Variants in PLCB1 observed in about 807,000 individuals in gnomAD.
The protein encoded by PLCB1 is phospholipase C beta 1, also known as 1-phosphatidylinositol 4,5-bisphosphate phosphodiesterase beta-1.
A neutral mutation model predicts 161.8 loss-of-function variants in PLCB1; 46 were observed. The observed-to-expected ratio is 0.28, with a 90% CI of 0.22 to 0.36. The LOEUF (loss-of-function observed/expected upper bound fraction) is 0.36. PLCB1 is among the 10% of genes least tolerant of loss of function. The probability of loss-of-function intolerance (pLI) is 1.00; values close to 1 mark genes in which losing one functional copy is unlikely to be tolerated. For synonymous variants in PLCB1, 517 were observed against 503.7 expected, an observed-to-expected ratio of 1.03 and a Z score of -0.35; for missense variants, 1,016 against 1,472.5, an observed-to-expected ratio of 0.69 and a Z score of 5.07.
At position 8,298,592 on chromosome 20, in the gene PLCB1, CT is replaced by C. The variant is rs1236627808; in HGVS notation, c.178-72777del. Among the ~76,000 whole-genome samples the C allele has an allele frequency of 3.0e-3, 400 of 134,064 alleles. 1 individual carries two copies. The highest frequency in any genetic ancestry group is 7.8e-3 in the Middle Eastern group (2 of 258). The allele number at this position is 134,064 out of a possible 152,430, so 88.0% of individuals were successfully genotyped here. On this transcript the variant is annotated intron_variant, in intron 2 of 31. Coordinates refer to ENST00000338037, the MANE Select transcript of PLCB1 (RefSeq NM_015192.4). ...TCCATTTAGAAGTGTGGAATTGGGGCTTTTTTTTTTTTTCCTCAACATGTAA... is the reference window on the plus strand; with the variant it reads ...TCCATTTAGAAGTGTGGAATTGGGGCTTTTTTTTTTTTCCTCAACATGTAA...
chr20:8,491,287 T>C (rs1343634039), intron 3 of PLCB1, among the ~76,000 whole-genome samples: 2 of 152,186 alleles, frequency 1.3e-5, no homozygotes, highest in South Asian at 2.1e-4. Flanking sequence ...TATTGCTTTT[T>C]AGTTTTCAGT....
At chr20:8,333,323 C>T (rs1166941278) in intron 2 of PLCB1, among the ~76,000 whole-genome samples, 4 of 152,174 alleles carry the variant, frequency 2.6e-5, no homozygotes, top group Non-Finnish European at 4.4e-5. Flanking sequence ...GTTATGGCAG[C>T]TAACTAGTGC....
intron 3 of PLCB1, among the ~76,000 whole-genome samples, chr20:8,482,660 C>T (rs1982555161): frequency 6.6e-6 from 1 of 152,164 alleles, no homozygotes. Flanking sequence ...GAAAATGCTA[C>T]ATGCAGTTCT....
intron 3 of PLCB1, among the ~76,000 whole-genome samples, chr20:8,504,749 G>A (rs1256444770): frequency 6.8e-6 from 1 of 146,266 alleles, no homozygotes; most frequent in Non-Finnish European, 1.5e-5. Flanking sequence ...GGAATGTTTG[G>A]CTCCAAAAAA....
At chr20:8,877,999 G>A (rs1320809292) in intron 31 of PLCB1, among the ~76,000 whole-genome samples, 10 of 152,016 alleles carry the variant, frequency 6.6e-5, no homozygotes, top group African/African-American at 2.4e-4. Flanking sequence ...TAAAATGTAG[G>A]TTTTTCTTAG....
chr20:8,730,723 A>C (rs1165161872), intron 18 of PLCB1, among the ~76,000 whole-genome samples: 1 of 151,742 alleles, frequency 6.6e-6, no homozygotes, highest in African/African-American at 2.4e-5. Flanking sequence ...CTGTCACAGG[A>C]AAAATGCTTT....
At chr20:8,197,114 T>C (rs1222321686) in intron 2 of PLCB1, among the ~76,000 whole-genome samples, 4 of 152,184 alleles carry the variant, frequency 2.6e-5, no homozygotes, top group Non-Finnish European at 5.9e-5. Flanking sequence ...TTGTGAGTAG[T>C]GCCGCAATAA....
intron 2 of PLCB1, among the ~76,000 whole-genome samples, chr20:8,300,660 T>G (rs73895770): frequency 0.027 from 4,116 of 152,164 alleles, 175 homozygotes; most frequent in East Asian, 0.11. Context: ...CATTTAGCAT[T>G]AGGTATGTTA....
chr20:8,194,241 T>C lies in PLCB1; in HGVS notation c.177+43870T>C, dbSNP rs187139860. On this transcript the variant is annotated intron_variant, in intron 2 of 31. Coordinates refer to ENST00000338037, the MANE Select transcript of PLCB1 (RefSeq NM_015192.4). ...TTCTTTGCAAACTTTGCTTGGGCCCTCTAAGCTTGTGACTTTACTTCAAAT... is the reference window on the plus strand; with the variant it reads ...TTCTTTGCAAACTTTGCTTGGGCCCCCTAAGCTTGTGACTTTACTTCAAAT... 7.2e-5 allele frequency among the ~76,000 whole-genome samples: 11 copies of C among 152,150 alleles called. No homozygotes were observed. The East Asian group carries it at 2.1e-3, about 29-fold the overall frequency.
chr20:8,566,021 T>G (rs1244130492), intron 3 of PLCB1, among the ~76,000 whole-genome samples: 1 of 152,140 alleles, frequency 6.6e-6, no homozygotes, highest in Admixed American at 6.6e-5. Flanking sequence ...ATTAAAAAAA[T>G]CAACAGTTCA....
chr20:8,512,005 A>G (rs1033009133), intron 3 of PLCB1, among the ~76,000 whole-genome samples: 5 of 152,086 alleles, frequency 3.3e-5, no homozygotes, highest in Admixed American at 6.6e-5. Context: ...GGACAGTCGC[A>G]CGTTACCACC....
At chr20:8,205,583 A>G (rs889817029) in intron 2 of PLCB1, among the ~76,000 whole-genome samples, 3 of 152,198 alleles carry the variant, frequency 2.0e-5, no homozygotes, top group Non-Finnish European at 4.4e-5. Flanking sequence ...ATTCCAATGT[A>G]TGGCTTTCAT....
At chr20:8,383,939 T>C (rs1301306636) in intron 3 of PLCB1, among the ~76,000 whole-genome samples, 1 of 152,198 alleles carries the variant, frequency 6.6e-6, no homozygotes, top group Admixed American at 6.5e-5. Context: ...CCTTTCTCTC[T>C]GGCTGCTCTT....
chr20:8,307,902 A>G (rs1032088932), intron 2 of PLCB1, among the ~76,000 whole-genome samples: 3 of 151,976 alleles, frequency 2.0e-5, no homozygotes, highest in Non-Finnish European at 2.9e-5. Flanking sequence ...CAGCCTGGGC[A>G]ACAGAGCAAG....
At chr20:8,612,512 A>G (rs1421568386) in intron 3 of PLCB1, among the ~76,000 whole-genome samples, 1 of 152,212 alleles carries the variant, frequency 6.6e-6, no homozygotes, top group African/African-American at 2.4e-5. Flanking sequence ...CAGGAAGTCC[A>G]ACTACACTCT....
intron 3 of PLCB1, among the ~76,000 whole-genome samples, chr20:8,457,506 A>G (rs774967033): frequency 4.6e-5 from 7 of 152,092 alleles, no homozygotes; most frequent in Non-Finnish European, 8.8e-5. Context: ...CCTTCCATCC[A>G]GCTTCCATCA....
chr20:8,517,046 C>G (rs1463418913), intron 3 of PLCB1, among the ~76,000 whole-genome samples: 3 of 152,012 alleles, frequency 2.0e-5, no homozygotes, highest in Non-Finnish European at 4.4e-5. Context: ...AGAGCTGACT[C>G]TTGAAGGATC....
intron 31 of PLCB1, among the ~76,000 whole-genome samples, chr20:8,844,337 T>C (rs575900121): frequency 6.6e-6 from 1 of 152,304 alleles, no homozygotes; most frequent in East Asian, 1.9e-4. Context: ...TGTAAATCCA[T>C]TGAATCTGAG....
chr20:8,828,659 T>C (rs1469782938), intron 31 of PLCB1, among the ~76,000 whole-genome samples: 1 of 152,202 alleles, frequency 6.6e-6, no homozygotes, highest in Non-Finnish European at 1.5e-5. Context: ...GTGTCTTCTC[T>C]ACCTATGAAA....
Sources: gnomAD v4.1 joint callset for allele counts (sites outside exome capture counted in the v4.1 genomes callset) on GRCh38, gnomAD v4.1.1 for gene constraint, MANE v1.5 for transcripts, NCBI Gene and HGNC (gene_info 2026-07-23, HGNC 2026-07-21) for gene names.